The following ZNF804A variants were observed in gnomAD, a reference collection of about 807,000 sequenced individuals.
The protein encoded by ZNF804A is zinc finger protein 804A.
A neutral mutation model predicts 16.5 loss-of-function variants in ZNF804A; 2 were observed. The observed-to-expected ratio is 0.12, with a 90% confidence interval of 0.05 to 0.38. The LOEUF is 0.38. ZNF804A is among the 10% of genes least tolerant of loss of function. The pLI, the probability that ZNF804A is intolerant of heterozygous loss-of-function variation, is 0.99. For synonymous variants in ZNF804A, 534 were observed against 489.6 expected, an observed-to-expected ratio of 1.09 and a Z score of -1.20; for missense variants, 1,473 against 1,390.7, an observed-to-expected ratio of 1.06 and a Z score of -0.94.
rs780400292 is a variant in ZNF804A at position 184,785,464 on chromosome 2, C to T, written c.112-80905C>T. ...GTTAAAACCACCCTTATCATCACAC[C>T]GCTGGTTTTCCTGATATTATGGAGG... On this transcript the variant is annotated intron_variant, in intron 1 of 3. Coordinates refer to ENST00000302277, the MANE Select transcript of ZNF804A (RefSeq NM_194250.2). Among the ~76,000 whole-genome samples the T allele has an allele frequency of 3.3e-5, 5 of 151,678 alleles. No individual in the cohort carries two copies. In the East Asian group the frequency reaches 5.8e-4, roughly 18 times the overall value.
chr2:184,910,865 CATG>C (rs1217656495), intron 2 of ZNF804A, among the ~76,000 whole-genome samples: 2 of 151,988 alleles, frequency 1.3e-5, no homozygotes, highest in African/African-American at 4.8e-5. Flanking sequence ...CTAATAGATT[CATG>C]ATATTAGACC....
intron 1 of ZNF804A, among the ~76,000 whole-genome samples, chr2:184,707,402 G>T (rs543367187): frequency 2.0e-5 from 3 of 152,234 alleles, no homozygotes; most frequent in African/African-American, 7.2e-5. Context: ...CACCCAGAGA[G>T]TGAGCATAGT....
chr2:184,619,498 G>A (rs1028088688), intron 1 of ZNF804A, among the ~76,000 whole-genome samples: 4 of 151,900 alleles, frequency 2.6e-5, no homozygotes, highest in African/African-American at 9.7e-5. Context: ...AACAATTACT[G>A]TAAGGCTAAG....
intron 1 of ZNF804A, among the ~76,000 whole-genome samples, chr2:184,782,648 T>G (rs1194468293): frequency 6.6e-6 from 1 of 150,612 alleles, no homozygotes; most frequent in East Asian, 2.0e-4. Flanking sequence ...TAATATTTAT[T>G]AAGCATATAT....
At chr2:184,727,373 A>G (rs924661172) in intron 1 of ZNF804A, among the ~76,000 whole-genome samples, 1 of 151,644 alleles carries the variant, frequency 6.6e-6, no homozygotes, top group South Asian at 2.1e-4. Context: ...AGGTGTTAAT[A>G]TATTACCAGA....
At position 184,938,279 on chromosome 2, in the gene ZNF804A, T is replaced by C. The variant is rs1214993989; in HGVS notation, c.2883T>C (p.Phe961=). The change falls in exon 4 of 4, where the codon TTT becomes TTC. Residue 961 remains phenylalanine (F), a synonymous_variant. Coordinates refer to ENST00000302277, the MANE Select transcript of ZNF804A (RefSeq NM_194250.2). ...AGGTGCCTAATATTGAAAGGAACTT[T>C]AGACAGTCACAGCCTAAATCCTATC... ...PFQVPNIERN[F]RQSQPKSYLC... is the part of the protein sequence containing the mutation. 2 of 1,614,122 alleles carry C rather than the reference T, an allele frequency of 1.2e-6. No individual in the cohort carries two copies. Among genetic ancestry groups the C allele is most frequent in the African/African-American group, 1.3e-5 (1 of 75,056 alleles).
intron 2 of ZNF804A, among the ~76,000 whole-genome samples, chr2:184,872,334 AGAGCAAAAACAAAT>A (rs1695990320): frequency 6.6e-6 from 1 of 152,134 alleles, no homozygotes; most frequent in African/African-American, 2.4e-5. Flanking sequence ...CTGAGGTCGT[AGAGCAAAAACAAAT>A]GAACAACAAA....
At chr2:184,817,702 G>A (rs1381173108) in intron 1 of ZNF804A, among the ~76,000 whole-genome samples, 1 of 151,994 alleles carries the variant, frequency 6.6e-6, no homozygotes, top group African/African-American at 2.4e-5. Flanking sequence ...CCAGTTTAGA[G>A]AGGAGCATAA....
intron 1 of ZNF804A, among the ~76,000 whole-genome samples, chr2:184,610,561 C>T (rs1250708978): frequency 2.0e-5 from 3 of 151,462 alleles, no homozygotes; most frequent in South Asian, 4.2e-4. Context: ...TATGTAGATT[C>T]TGTCTTTGTT....
chr2:184,863,101 G>C (rs1008066103), intron 1 of ZNF804A, among the ~76,000 whole-genome samples: 4 of 152,126 alleles, frequency 2.6e-5, no homozygotes, highest in Non-Finnish European at 5.9e-5. Context: ...TTGATCCTGA[G>C]TTCATAGTTA....
intron 1 of ZNF804A, among the ~76,000 whole-genome samples, chr2:184,612,094 A>C (rs1255320748): frequency 2.0e-5 from 3 of 152,170 alleles, no homozygotes; most frequent in Non-Finnish European, 2.9e-5. Flanking sequence ...ATTAAATTTG[A>C]TTGAAATGTT....
At position 184,865,450 on chromosome 2, in the gene ZNF804A, A is replaced by G. The variant is rs181306649; in HGVS notation, c.112-919A>G. ...TATGGCAGAAGGAGAAGGGGAACCAACAGGTTCAGAGATCACATGTGGCGA... is the reference window on the plus strand; with the variant it reads ...TATGGCAGAAGGAGAAGGGGAACCAGCAGGTTCAGAGATCACATGTGGCGA... On this transcript the variant is annotated intron_variant, in intron 1 of 3. Coordinates refer to ENST00000302277, the MANE Select transcript of ZNF804A (RefSeq NM_194250.2). 9.9e-5 allele frequency among the ~76,000 whole-genome samples: 15 copies of G among 152,178 alleles called. No homozygotes were observed. The East Asian group carries it at 2.7e-3, about 28-fold the overall frequency.
intron 1 of ZNF804A, among the ~76,000 whole-genome samples, chr2:184,835,679 G>T (rs1413270908): frequency 6.9e-6 from 1 of 144,552 alleles, no homozygotes; most frequent in Non-Finnish European, 1.5e-5. Flanking sequence ...AAAAAAAACA[G>T]AAAAAAGATG....
At chr2:184,805,657 C>G (rs559801228) in intron 1 of ZNF804A, among the ~76,000 whole-genome samples, 18 of 152,020 alleles carry the variant, frequency 1.2e-4, no homozygotes, top group African/African-American at 4.1e-4. Context: ...GAGAGACTTT[C>G]AAAAAGATTT....
intron 1 of ZNF804A, among the ~76,000 whole-genome samples, chr2:184,657,383 G>A (rs953428033): frequency 3.3e-5 from 5 of 152,306 alleles, no homozygotes; most frequent in African/African-American, 1.2e-4. Flanking sequence ...CACAGCACCT[G>A]ATGTTGCCTA....
intron 1 of ZNF804A, among the ~76,000 whole-genome samples, chr2:184,768,676 G>A (rs933943610): frequency 6.6e-6 from 1 of 151,940 alleles, no homozygotes; most frequent in African/African-American, 2.4e-5. Flanking sequence ...CACTATTATA[G>A]AAAATAGGGT....
At chr2:184,772,594 GT>G (rs1217275997) in intron 1 of ZNF804A, among the ~76,000 whole-genome samples, 1 of 151,706 alleles carries the variant, frequency 6.6e-6, no homozygotes, top group Non-Finnish European at 1.5e-5. Context: ...TTGTGTACAA[GT>G]TTTTGTGTGG....
rs1266637868 is a variant in ZNF804A, at chr2:184,754,407, G to A, written c.112-111962G>A. Among the ~76,000 whole-genome samples, 8 of 151,696 alleles carry A rather than the reference G, an allele frequency of 5.3e-5. No homozygotes were observed. In the East Asian group the frequency reaches 5.8e-4, roughly 11 times the overall value. On this transcript the variant is annotated intron_variant, in intron 1 of 3. Coordinates refer to ENST00000302277, the MANE Select transcript of ZNF804A (RefSeq NM_194250.2). Reference sequence around the variant, plus strand: ...AATTCCTGAACTCACTTATATAACCGTTTCCCCATTTTTCCTCTGTTAAGT... The same window carrying A: ...AATTCCTGAACTCACTTATATAACCATTTCCCCATTTTTCCTCTGTTAAGT...
intron 1 of ZNF804A, among the ~76,000 whole-genome samples, chr2:184,791,086 C>T (rs1300405532): frequency 6.6e-6 from 1 of 152,090 alleles, no homozygotes; most frequent in Non-Finnish European, 1.5e-5. Context: ...AGGTGGGTCT[C>T]TTGTGGACAG....
Sources: allele counts gnomAD v4.1 joint callset (sites outside exome capture counted in the v4.1 genomes callset), GRCh38; gene constraint gnomAD v4.1.1; transcripts MANE v1.5; gene names NCBI Gene and HGNC (gene_info 2026-07-23, HGNC 2026-07-21).